The following FRA10AC1 variants were observed in gnomAD, a reference collection of about 807,000 sequenced individuals.
The protein encoded by FRA10AC1 is FRA10A associated CGG repeat 1.
FRA10AC1 carries 43 observed loss-of-function variants against 56.5 expected under a neutral mutation model. The observed-to-expected ratio is 0.76, with a 90% confidence interval of 0.60 to 0.98. FRA10AC1 has a LOEUF of 0.98. FRA10AC1 is among the 50% of genes least tolerant of loss of function. FRA10AC1 has a pLI of 0.00. For missense variants in FRA10AC1, 346 were observed against 351.8 expected, an observed-to-expected ratio of 0.98 and a Z score of 0.13; for synonymous variants, 112 against 110.5, an observed-to-expected ratio of 1.01 and a Z score of -0.09.
intron 11 of FRA10AC1, among the ~76,000 whole-genome samples, chr10:93,677,046 G>A (rs1406050385): frequency 6.6e-6 from 1 of 152,128 alleles, no homozygotes; most frequent in East Asian, 1.9e-4. Context: ...ACATTTGAAA[G>A]CAGTTTACAA....
chr10:93,701,916 C>T (rs749914068), intron 1 of FRA10AC1, among the ~76,000 whole-genome samples: 2 of 152,036 alleles, frequency 1.3e-5, no homozygotes, highest in South Asian at 2.1e-4. Context: ...TCAGTGTCCT[C>T]ATTTATAAAA....
chr10:93,693,898 A>G (rs1397369175), intron 5 of FRA10AC1, among the ~76,000 whole-genome samples: 3 of 151,768 alleles, frequency 2.0e-5, no homozygotes, highest in African/African-American at 7.3e-5. Context: ...CAAAAGACTG[A>G]TATAATGGAC....
At chr10:93,693,496 A>ATT (rs2059161993) in intron 5 of FRA10AC1, among the ~76,000 whole-genome samples, 1 of 65,434 alleles carries the variant, frequency 1.5e-5, no homozygotes, top group Admixed American at 1.7e-4. Context: ...ATATATATAT[A>ATT]TATATATATA....
chr10:93,686,832 C>A (rs1245736850), intron 8 of FRA10AC1, among the ~76,000 whole-genome samples: 1 of 151,784 alleles, frequency 6.6e-6, no homozygotes, highest in Non-Finnish European at 1.5e-5. Context: ...TGGAGATACA[C>A]AATTTCCAGG....
Position 93,684,097 on chromosome 10 carries a change from C to T in FRA10AC1, c.627G>A (p.Arg209=), listed in dbSNP as rs2058983205. The T allele has an allele frequency of 1.9e-6, 3 of 1,604,936 alleles. No homozygotes were observed. The South Asian group carries it at 3.3e-5, about 18-fold the overall frequency. The change falls in exon 10 of 14, where the codon AGG becomes AGA. Residue 209 remains arginine, a splice_region_variant and synonymous_variant. Coordinates refer to ENST00000359204, the MANE Select transcript of FRA10AC1 (RefSeq NM_145246.5). ...GEKRNALVKL[R]LCQECSIKLN... ...ATTTAATGGAACATTCTTGGCATAA[C>T]CCTAAAAAGAAAAGACACCACTGAA...
rs367749049 is a variant in FRA10AC1, at chr10:93,672,272, A to G, written c.827-1424T>C. On this transcript the variant is annotated intron_variant, in intron 12 of 13. Transcript: ENST00000359204. ...CCTAACTGAATCTATTCTGACACCAATTCTAGCAAAAATGGCAAAAGTGGG... is the reference window on the plus strand; with the variant it reads ...CCTAACTGAATCTATTCTGACACCAGTTCTAGCAAAAATGGCAAAAGTGGG... The G allele has an allele frequency of 1.4e-5, 3 of 207,720 alleles. No individual in the cohort carries two copies. The East Asian group carries it at 4.5e-4, about 31-fold the overall frequency. The allele number at this position is 207,720 out of a possible 1,614,324, so 12.9% of individuals were successfully genotyped here. A position where few individuals can be genotyped will look rare whatever the true frequency, so the allele number is the denominator to read the frequency against.
chr10:93,698,633 A>G (rs541751849), intron 2 of FRA10AC1, among the ~76,000 whole-genome samples: 1 of 152,328 alleles, frequency 6.6e-6, no homozygotes, highest in East Asian at 1.9e-4. Flanking sequence ...CTCTAGTGTC[A>G]TATCACCTAG....
Position 93,698,313 on chromosome 10 carries a change from TCTG to T in FRA10AC1, c.158_160del (p.Ala53del). 6.2e-7 allele frequency: 1 copy of T among 1,608,954 alleles called. No individual in the cohort carries two copies. Reference sequence around the variant, plus strand: ...TGAAATACCATACCTATCCAGCAATTCTGCTGCAACTTGTTTATGGGCCACCTT... The same window carrying T: ...TGAAATACCATACCTATCCAGCAATTCTGCAACTTGTTTATGGGCCACCTT... On this transcript the variant is annotated inframe_deletion, in exon 3 of 14. Transcript: ENST00000359204.
intron 7 of FRA10AC1, 49 bp downstream of exon 7, chr10:93,691,960 T>A (rs755372378): frequency 3.3e-6 from 5 of 1,521,092 alleles, no homozygotes; most frequent in Non-Finnish European, 3.6e-6. Context: ...TAAAAGTTAA[T>A]ATTTTACTTG....
chr10:93,679,915 AG>A (rs1426356731), intron 11 of FRA10AC1, among the ~76,000 whole-genome samples: 2 of 152,168 alleles, frequency 1.3e-5, no homozygotes, highest in Admixed American at 1.3e-4. Flanking sequence ...ATAAATAATA[AG>A]GGGAAAGAAA....
chr10:93,678,624 A>T (rs1402651919), intron 11 of FRA10AC1, among the ~76,000 whole-genome samples: 1 of 152,130 alleles, frequency 6.6e-6, no homozygotes, highest in Non-Finnish European at 1.5e-5. Context: ...TGAGGCCAGG[A>T]GTTTGAGACC....
At chr10:93,699,618 G>A (rs1393870787) in intron 2 of FRA10AC1, among the ~76,000 whole-genome samples, 3 of 152,316 alleles carry the variant, frequency 2.0e-5, no homozygotes, top group East Asian at 3.9e-4. Context: ...CGTAAGAACT[G>A]TGCTGCATTA....
chr10:93,698,469 CT>C, intron 2 of FRA10AC1, 73 bp from the exon 3 acceptor site: 1 of 795,774 alleles, frequency 1.3e-6, no homozygotes, highest in Non-Finnish European at 2.0e-6. Flanking sequence ...ATTTTCATAA[CT>C]GGAATATACT....
Position 93,670,858 on chromosome 10 carries a change from T to TA in FRA10AC1, c.827-11dup. The TA allele has an allele frequency of 2.5e-6, 4 of 1,592,864 alleles. No homozygotes were observed. Among genetic ancestry groups the TA allele is most frequent in the Non-Finnish European group, 2.6e-6 (3 of 1,162,318 alleles). The stretch of plus-strand genomic sequence containing the variant: ...TCCTCATCAGAGTTTCCTGTTCATT[T>TA]AAAAAAGATGATTTTTAAAAACCTA... On this transcript the variant is annotated splice_polypyrimidine_tract_variant and intron_variant, in intron 12 of 13. Transcript: ENST00000359204.
rs1026729291 is a variant in FRA10AC1 at position 93,685,293 on chromosome 10, A to C, written c.578T>G (p.Phe193Cys). The C allele has an allele frequency of 5.7e-6, 9 of 1,589,908 alleles. No homozygotes were observed. In the African/African-American group the frequency reaches 9.4e-5, roughly 17 times the overall value. The stretch of plus-strand genomic sequence containing the variant: ...CTTCTCACCATGCTCAATATAACCA[A>C]AATTAACTTCCCAACTCTTTAAGCC... ...KEGLKSWEVN[F>C]GYIEHGEKRN... The change falls in exon 9 of 14, where the codon TTT becomes TGT. Residue 193 changes from phenylalanine (F) to cysteine (C), a missense_variant. Transcript: ENST00000359204.
chr10:93,697,408 G>A (rs2059251194), intron 4 of FRA10AC1, among the ~76,000 whole-genome samples: 1 of 152,196 alleles, frequency 6.6e-6, no homozygotes, highest in Non-Finnish European at 1.5e-5. Flanking sequence ...ATGATTACAG[G>A]TAGGGGGCGT....
intron 4 of FRA10AC1, among the ~76,000 whole-genome samples, chr10:93,696,623 T>C (rs190202388): frequency 6.6e-6 from 1 of 152,334 alleles, no homozygotes; most frequent in Non-Finnish European, 1.5e-5. Context: ...AAAAGGAATA[T>C]AAATCATTCT....
At chr10:93,678,408 C>T (rs148124014) in intron 11 of FRA10AC1, among the ~76,000 whole-genome samples, 7 of 152,224 alleles carry the variant, frequency 4.6e-5, no homozygotes, top group East Asian at 3.9e-4. Context: ...TTTTCTAAGA[C>T]GGTAACCTAA....
At chr10:93,690,045 G>A (rs2059100978) in intron 7 of FRA10AC1, among the ~76,000 whole-genome samples, 1 of 152,100 alleles carries the variant, frequency 6.6e-6, no homozygotes, top group South Asian at 2.1e-4. Context: ...AAGAGGCAAA[G>A]GTGGAAATTC....
Sources: allele counts gnomAD v4.1 joint callset (sites outside exome capture counted in the v4.1 genomes callset), GRCh38; gene constraint gnomAD v4.1.1; transcripts MANE v1.5; gene names NCBI Gene and HGNC (gene_info 2026-07-23, HGNC 2026-07-21).